Variants in FGD6 observed in about 807,000 individuals in gnomAD.
FGD6 encodes FYVE, RhoGEF and PH domain containing 6.
In FGD6, 90 loss-of-function variants were observed where a neutral mutation model predicts 149.4. That is an observed-to-expected ratio of 0.60 (90% CI 0.51 to 0.72). The LOEUF (loss-of-function observed/expected upper bound fraction) is 0.72. FGD6 is among the 30% of genes least tolerant of loss of function. FGD6 has a pLI of 0.00. For missense variants in FGD6, 1,437 were observed against 1,684.8 expected (o/e 0.85, Z 2.57); for synonymous variants, 527 against 584.0 (o/e 0.90, Z 1.41).
At chr12:95,160,248 T>C (rs77860947) in intron 3 of FGD6, among the ~76,000 whole-genome samples, 22,448 of 151,772 alleles carry the variant, frequency 0.15, 1,761 homozygotes, top group African/African-American at 0.18. Flanking sequence ...CAGAAGAAGA[T>C]ATAAGAATGG....
At chr12:95,130,578 C>CTGA (rs1879490523) in intron 8 of FGD6, among the ~76,000 whole-genome samples, 1 of 152,130 alleles carries the variant, frequency 6.6e-6, no homozygotes, top group Admixed American at 6.6e-5. Flanking sequence ...GACTTAAAAT[C>CTGA]CAACTTTAAA....
chr12:95,182,692 C>G (rs1881318050), intron 2 of FGD6, among the ~76,000 whole-genome samples: 1 of 152,110 alleles, frequency 6.6e-6, no homozygotes, highest in Non-Finnish European at 1.5e-5. Context: ...CTTTATTTTC[C>G]TACTGAGACC....
chr12:95,108,656 T>G, intron 9 of FGD6, 95 bp from the exon 10 acceptor site: 1 of 1,382,986 alleles, frequency 7.2e-7, no homozygotes, highest in Non-Finnish European at 1.0e-6. Context: ...GATAGCTAGT[T>G]TATAGCAACC....
intron 1 of FGD6, among the ~76,000 whole-genome samples, chr12:95,215,652 T>G (rs1167531542): frequency 1.3e-5 from 2 of 152,214 alleles, no homozygotes; most frequent in African/African-American, 2.4e-5. Flanking sequence ...TGTGGATTTC[T>G]TTAATTGTAA....
At chr12:95,110,236 A>G (rs957099850) in intron 9 of FGD6, among the ~76,000 whole-genome samples, 1 of 151,956 alleles carries the variant, frequency 6.6e-6, no homozygotes, top group African/African-American at 2.4e-5. Context: ...TCAGCCTCCC[A>G]AAGTGCTGGG....
chr12:95,116,306 C>T (rs1317340776), intron 8 of FGD6, among the ~76,000 whole-genome samples: 1 of 152,140 alleles, frequency 6.6e-6, no homozygotes, highest in East Asian at 1.9e-4. Flanking sequence ...CCTAAGCTAC[C>T]TCATTAATCA....
chr12:95,108,687 G>T, intron 9 of FGD6, 126 bp from the exon 10 acceptor site: 1 of 1,038,492 alleles, frequency 9.6e-7, no homozygotes, highest in Non-Finnish European at 1.4e-6. Context: ...GGAGCTTATT[G>T]ACTGTGAGTA....
intron 14 of FGD6, among the ~76,000 whole-genome samples, chr12:95,097,658 A>AAAAAAAAAAC (rs1878281574): frequency 6.6e-6 from 1 of 151,006 alleles, no homozygotes; most frequent in African/African-American, 2.4e-5. Flanking sequence ...AAAAAAAAAA[A>AAAAAAAAAAC]AGACCATGCC....
chr12:95,188,814 T>TA (rs397794569), intron 2 of FGD6, among the ~76,000 whole-genome samples: 1 of 151,872 alleles, frequency 6.6e-6, no homozygotes, highest in Non-Finnish European at 1.5e-5. Flanking sequence ...TTTTTTTTTT[T>TA]AATACTTGGT....
intron 13 of FGD6, among the ~76,000 whole-genome samples, chr12:95,106,447 G>GTTT (rs540286027): frequency 3.2e-4 from 45 of 139,074 alleles, no homozygotes; most frequent in African/African-American, 1.1e-3. Context: ...ATTTTTGTTT[G>GTTT]TTTTTTTTTT....
intron 18 of FGD6, among the ~76,000 whole-genome samples, chr12:95,089,250 C>G (rs1877972656): frequency 6.6e-6 from 1 of 152,212 alleles, no homozygotes; most frequent in Admixed American, 6.5e-5. Flanking sequence ...CCCAAAATAT[C>G]CTGTGGACTT....
At chr12:95,094,799 T>C in intron 14 of FGD6, 105 bp from the exon 15 acceptor site, 1 of 778,472 alleles carries the variant, frequency 1.3e-6, no homozygotes, top group Non-Finnish European at 2.2e-6. Flanking sequence ...CCTCCAACAA[T>C]ACCAGTCAAA....
intron 9 of FGD6, 131 bp downstream of exon 9, chr12:95,113,520 G>A: frequency 1.4e-6 from 1 of 706,056 alleles, no homozygotes; most frequent in Admixed American, 3.0e-5. Context: ...ACAGGTGTGA[G>A]CCACCGCACC....
At position 95,217,399 on chromosome 12, in the gene FGD6, C is replaced by A; in HGVS notation, c.-159G>T. 1 of 1,214,354 alleles carries A rather than the reference C, an allele frequency of 8.2e-7. No individual in the cohort carries two copies. Among genetic ancestry groups the A allele is most frequent in the Non-Finnish European group, 1.1e-6 (1 of 917,410 alleles). The allele number at this position is 1,214,354 out of a possible 1,614,324, so 75.2% of individuals were successfully genotyped here. A position where few individuals can be genotyped will look rare whatever the true frequency, so the allele number is the denominator to read the frequency against. ...CAGCCTGAGCGCCACACAAAGGACG[C>A]GGCCGACTCTAGCGACCCTGCGGCG... On this transcript the variant is annotated 5_prime_UTR_variant, in exon 1 of 21. Transcript: ENST00000343958.
At chr12:95,194,099 A>AT (rs1159367295) in intron 2 of FGD6, among the ~76,000 whole-genome samples, 1 of 151,564 alleles carries the variant, frequency 6.6e-6, no homozygotes, top group Non-Finnish European at 1.5e-5. Context: ...ACGTTTTTAA[A>AT]TTTTTTGTAG....
chr12:95,117,264 G>A (rs1345340218), intron 8 of FGD6, among the ~76,000 whole-genome samples: 1 of 152,138 alleles, frequency 6.6e-6, no homozygotes, highest in East Asian at 1.9e-4. Context: ...TGTTGGTTCA[G>A]CATGTAGGTA....
rs1877547759 is a variant in FGD6, at chr12:95,077,929, T to C, written c.*3591A>G. The C allele has an allele frequency of 6.6e-6, 1 of 152,160 alleles. No individual in the cohort carries two copies. Among genetic ancestry groups the C allele is most frequent in the Non-Finnish European group, 1.5e-5 (1 of 68,038 alleles). The allele number at this position is 152,160 out of a possible 1,614,324, so 9.4% of individuals were successfully genotyped here. Reference sequence around the variant, plus strand: ...TAGTTACAGATGTAGCTTTGCAGGATAGTGGAGAAAGTAGGTCTAAGGTCC... The same window carrying C: ...TAGTTACAGATGTAGCTTTGCAGGACAGTGGAGAAAGTAGGTCTAAGGTCC... On this transcript the variant is annotated 3_prime_UTR_variant, in exon 21 of 21. Transcript: ENST00000343958.
At chr12:95,149,327 T>TA (rs1880211359) in intron 5 of FGD6, among the ~76,000 whole-genome samples, 2 of 101,784 alleles carry the variant, frequency 2.0e-5, no homozygotes, top group Non-Finnish European at 1.8e-5. Context: ...GCATATATTA[T>TA]ATAATATATT....
intron 14 of FGD6, among the ~76,000 whole-genome samples, chr12:95,104,449 T>G (rs1235047637): frequency 6.6e-6 from 1 of 151,790 alleles, no homozygotes; most frequent in Non-Finnish European, 1.5e-5. Context: ...AAAAATTTTT[T>G]TTTTTGAGAC....
Sources: allele counts gnomAD v4.1 joint callset (sites outside exome capture counted in the v4.1 genomes callset), GRCh38; gene constraint gnomAD v4.1.1; transcripts MANE v1.5; gene names NCBI Gene and HGNC (gene_info 2026-07-23, HGNC 2026-07-21).